The following MALRD1 variants were observed in gnomAD, a reference collection of about 807,000 sequenced individuals.
MALRD1 encodes MAM and LDL receptor class A domain containing 1.
A neutral mutation model predicts 242.1 loss-of-function variants in MALRD1; 247 were observed. That is an observed-to-expected ratio of 1.02 (90% CI 0.92 to 1.13). The LOEUF is 1.13. MALRD1 is among the 50% of genes most tolerant of loss of function. The pLI is 0.00. For synonymous variants in MALRD1, 995 were observed against 866.6 expected (o/e 1.15, Z -2.60); for missense variants, 2,989 against 2,533.1 (o/e 1.18, Z -3.86).
chr10:19,214,261 C>T (rs139471911), intron 18 of MALRD1, among the ~76,000 whole-genome samples: 54 of 152,240 alleles, frequency 3.5e-4, no homozygotes, highest in African/African-American at 1.3e-3. Flanking sequence ...GGCTCTTCTC[C>T]TGGAGTACTG....
At chr10:19,348,625 A>G (rs1325288616) in intron 25 of MALRD1, among the ~76,000 whole-genome samples, 2 of 152,278 alleles carry the variant, frequency 1.3e-5, no homozygotes, top group African/African-American at 2.4e-5. Flanking sequence ...ATAAGGTTGT[A>G]TGGTTCTTTG....
In MALRD1 at chr10:19,595,199, G is replaced by C. The variant is rs1372334443; in HGVS notation, c.5686G>C (p.Val1896Leu). The change falls in exon 34 of 40, where the codon GTC becomes CTC. Residue 1896 changes from valine to leucine, a missense_variant. Val to Leu is a conservative substitution (Grantham distance 32). Transcript: ENST00000454679. ...TGACTTGCTCTCTTTTTTAGGTCCT[G>C]TCCCAGTGCAGCCATCACCCTGTGA... The part of the protein sequence containing the change: ...FTPECVTGGP[V>L]PVQPSPCEAD... 25 of 1,548,706 alleles carry C rather than the reference G, an allele frequency of 1.6e-5. No homozygotes were observed. The East Asian group carries it at 6.1e-4, about 38-fold the overall frequency.
chr10:19,050,839 C>G (rs1456317964), intron 1 of MALRD1, among the ~76,000 whole-genome samples: 1 of 152,178 alleles, frequency 6.6e-6, no homozygotes, highest in Non-Finnish European at 1.5e-5. Flanking sequence ...AAGCTTCCTT[C>G]AGTACCCTGG....
At chr10:19,227,528 G>T (rs953788161) in intron 18 of MALRD1, among the ~76,000 whole-genome samples, 1 of 151,836 alleles carries the variant, frequency 6.6e-6, no homozygotes, top group Non-Finnish European at 1.5e-5. Context: ...TACTGAATAG[G>T]AAAAATTTTT....
intron 30 of MALRD1, among the ~76,000 whole-genome samples, chr10:19,498,062 T>G (rs1285675204): frequency 1.3e-5 from 2 of 152,240 alleles, no homozygotes; most frequent in Non-Finnish European, 2.9e-5. Context: ...TCTCCCAAAG[T>G]GCCTTTTCTT....
chr10:19,712,293 G>A (rs988611553), intron 38 of MALRD1, among the ~76,000 whole-genome samples: 2 of 152,136 alleles, frequency 1.3e-5, no homozygotes, highest in Non-Finnish European at 1.5e-5. Flanking sequence ...TTGTATCTTT[G>A]TATGCCTAGA....
intron 21 of MALRD1, among the ~76,000 whole-genome samples, chr10:19,299,990 CTCCTGGATTGA>C (rs1352655411): frequency 2.0e-5 from 3 of 151,976 alleles, no homozygotes; most frequent in African/African-American, 7.2e-5. Context: ...TGCCCAGAGG[CTCCTGGATTGA>C]AGAAACAATT....
chr10:19,192,534 C>G (rs997731734), intron 14 of MALRD1, among the ~76,000 whole-genome samples: 3 of 152,000 alleles, frequency 2.0e-5, no homozygotes, highest in African/African-American at 7.2e-5. Flanking sequence ...CTTGCAGCCA[C>G]AAGAAACTGA....
chr10:19,646,608 A>T (rs915352890), intron 36 of MALRD1, among the ~76,000 whole-genome samples: 1 of 105,288 alleles, frequency 9.5e-6, no homozygotes, highest in Non-Finnish European at 1.7e-5. Flanking sequence ...GTGTCTCAAG[A>T]AAAAAAAAAA....
rs1325300601 is a variant in MALRD1, at chr10:19,583,639, A to C, written c.5681-11555A>C. Among the ~76,000 whole-genome samples the C allele has an allele frequency of 4.6e-5, 7 of 152,214 alleles. No individual in the cohort carries two copies. In the South Asian group the frequency reaches 1.5e-3, roughly 32 times the overall value. ...GATTCGGTTTGCCAGTATTTTATTG[A>C]GGATTTTTGCATCAATGTTCATCAA... On this transcript the variant is annotated intron_variant, in intron 33 of 39. Coordinates refer to ENST00000454679, the MANE Select transcript of MALRD1 (RefSeq NM_001142308.3).
At chr10:19,050,248 C>G (rs536814661) in intron 1 of MALRD1, among the ~76,000 whole-genome samples, 1 of 150,584 alleles carries the variant, frequency 6.6e-6, no homozygotes, top group Non-Finnish European at 1.5e-5. Context: ...CCACTACGCC[C>G]GGCTAATTTT....
chr10:19,509,615 A>G (rs186771762), intron 31 of MALRD1, among the ~76,000 whole-genome samples: 8 of 152,076 alleles, frequency 5.3e-5, no homozygotes, highest in Admixed American at 3.3e-4. Context: ...TCAGTATGGA[A>G]CTCACAAGGT....
At chr10:19,183,765 T>A (rs1835622334) in intron 14 of MALRD1, among the ~76,000 whole-genome samples, 1 of 152,206 alleles carries the variant, frequency 6.6e-6, no homozygotes, top group Admixed American at 6.5e-5. Context: ...GCTCAAGAAC[T>A]GTTTGGGATA....
intron 30 of MALRD1, among the ~76,000 whole-genome samples, chr10:19,494,251 C>G (rs908160693): frequency 1.3e-5 from 2 of 152,180 alleles, no homozygotes; most frequent in African/African-American, 4.8e-5. Flanking sequence ...CCTCAGCCCT[C>G]TGGAAACATG....
intron 8 of MALRD1, among the ~76,000 whole-genome samples, chr10:19,129,773 A>G (rs529573195): frequency 6.7e-6 from 1 of 148,544 alleles, no homozygotes; most frequent in African/African-American, 2.4e-5. Context: ...AACAAATAAT[A>G]TATTTATTAT....
chr10:19,459,786 A>G (rs1318896592), intron 29 of MALRD1, among the ~76,000 whole-genome samples: 7 of 151,028 alleles, frequency 4.6e-5, no homozygotes, highest in African/African-American at 1.7e-4. Flanking sequence ...TCATATTATA[A>G]TGATAAATAT....
chr10:19,163,755 A>G (rs1028196565), intron 12 of MALRD1, among the ~76,000 whole-genome samples: 2 of 152,220 alleles, frequency 1.3e-5, no homozygotes, highest in South Asian at 2.1e-4. Context: ...ATAATGGAAC[A>G]TTCCTTGGTA....
chr10:19,446,919 T>A (rs541925356), intron 28 of MALRD1, among the ~76,000 whole-genome samples: 1 of 152,294 alleles, frequency 6.6e-6, no homozygotes, highest in Admixed American at 6.5e-5. Context: ...AGTTTTTCAC[T>A]TTCACAATTT....
At chr10:19,303,604 A>T (rs1013756500) in intron 21 of MALRD1, among the ~76,000 whole-genome samples, 26 of 151,898 alleles carry the variant, frequency 1.7e-4, no homozygotes, top group African/African-American at 6.0e-4. Flanking sequence ...TGTAATTTTA[A>T]ATTTTCTAGT....
Sources: allele counts gnomAD v4.1 joint callset (sites outside exome capture counted in the v4.1 genomes callset), GRCh38; gene constraint gnomAD v4.1.1; transcripts MANE v1.5; gene names NCBI Gene and HGNC (gene_info 2026-07-23, HGNC 2026-07-21).